MPST: variants seen among roughly 807,000 people sequenced by gnomAD.
The protein encoded by MPST is mercaptopyruvate sulfurtransferase, also known as 3-mercaptopyruvate sulfurtransferase.
Under a neutral mutation model 28.5 loss-of-function variants are expected in MPST, and 27 were observed. That is an observed-to-expected ratio of 0.95 (90% CI 0.70 to 1.31). MPST has a LOEUF of 1.31. Among genes scored for constraint, MPST ranks in the 50% most tolerant of loss-of-function variants. MPST has a pLI of 0.00. For missense variants in MPST, 492 were observed against 471.1 expected, an observed-to-expected ratio of 1.04 and a Z score of -0.41; for synonymous variants, 204 against 209.3, an observed-to-expected ratio of 0.97 and a Z score of 0.22.
At chr22:37,019,904 TG>T in intron 1 of MPST, 32 bp downstream of exon 1, 1 of 1,123,266 alleles carries the variant, frequency 8.9e-7, no homozygotes. Context: ...CTTGCCTTTC[TG>T]GAGGGGGAGG....
In MPST at chr22:37,024,888, TC is replaced by T. The variant is rs760551667; in HGVS notation, c.655+79del. 2.1e-5 allele frequency: 32 copies of T among 1,553,550 alleles called. No individual in the cohort carries two copies. The South Asian group carries it at 2.5e-4, about 12-fold the overall frequency. ...TGAGCAGTGCCCTGGACTTGACCTT[TC>T]TTTTATTTTTTTAATTTATCTTGCT... On this transcript the variant is annotated intron_variant, in intron 2 of 2. Transcript: ENST00000429360.
At chr22:37,020,066 TG>T in intron 1 of MPST, 194 bp downstream of exon 1, 1 of 237,824 alleles carries the variant, frequency 4.2e-6, no homozygotes, top group African/African-American at 2.6e-5. Flanking sequence ...TCGTGGCGAG[TG>T]GCGGGTGGGG....
intron 2 of MPST, chr22:37,026,580 G>A (rs1923544281): frequency 6.6e-6 from 1 of 152,290 alleles, no homozygotes. Context: ...CAGTCCAGCA[G>A]GCAGGGGAAA....
In MPST at chr22:37,029,353, G is replaced by T. The variant is rs762471056; in HGVS notation, c.793G>T (p.Val265Leu). 1.2e-6 allele frequency: 2 copies of T among 1,614,086 alleles called. No individual in the cohort carries two copies. Among genetic ancestry groups the T allele is most frequent in the Non-Finnish European group, 8.5e-7 (1 of 1,180,054 alleles). ...EKKVDLSKPL[V>L]ATCGSGVTAC... ...GAAAGTGGACCTGTCTAAGCCACTG[G>T]TGGCCACGTGTGGCTCTGGCGTCAC... is the stretch of plus-strand genomic sequence containing the variant. Residue 265 changes from valine to leucine, a missense_variant, in exon 3 of 3, where the codon GTG becomes TTG. By Grantham distance (32) the Val-to-Leu change is conservative. Coordinates refer to ENST00000429360, the MANE Select transcript of MPST (RefSeq NM_021126.8).
In MPST at chr22:37,029,617, A is replaced by G. The variant is rs1360141746; in HGVS notation, c.*103A>G. 1.6e-6 allele frequency: 2 copies of G among 1,228,532 alleles called. No homozygotes were observed. Among genetic ancestry groups the G allele is most frequent in the Non-Finnish European group, 2.2e-6 (2 of 895,060 alleles). The allele number at this position is 1,228,532 out of a possible 1,614,324, so 76.1% of individuals were successfully genotyped here. A position where few individuals can be genotyped will look rare whatever the true frequency, so the allele number is the denominator to read the frequency against. On this transcript the variant is annotated 3_prime_UTR_variant, in exon 3 of 3. Coordinates refer to ENST00000429360, the MANE Select transcript of MPST (RefSeq NM_021126.8). The stretch of plus-strand genomic sequence containing the variant: ...CACCAAGAGAGTGTTTCTTCACTCA[A>G]CTCAGGTGGCATTTGGGGTGACATC...
At chr22:37,022,284 G>T (rs1054990467) in intron 1 of MPST, among the ~76,000 whole-genome samples, 1 of 152,156 alleles carries the variant, frequency 6.6e-6, no homozygotes, top group Non-Finnish European at 1.5e-5. Flanking sequence ...ACTCCAGGAA[G>T]CCTTCCCACC....
At chr22:37,022,758 T>C (rs1923168294) in intron 1 of MPST, among the ~76,000 whole-genome samples, 1 of 152,220 alleles carries the variant, frequency 6.6e-6, no homozygotes, top group South Asian at 2.1e-4. Context: ...TGTTGTTCTC[T>C]ACCTGCCCCC....
intron 2 of MPST, 93 bp downstream of exon 2, chr22:37,024,903 A>T (rs764867533): frequency 1.3e-6 from 2 of 1,548,024 alleles, no homozygotes; most frequent in Non-Finnish European, 1.7e-6. Context: ...TATTTTTTTA[A>T]TTTATCTTGC....
intron 2 of MPST, chr22:37,025,231 C>G: frequency 7.9e-6 from 9 of 1,133,674 alleles, no homozygotes; most frequent in Non-Finnish European, 1.0e-5. Context: ...GTGACTCTCC[C>G]TAGCTCATTG....
Position 37,022,314 on chromosome 22 carries a change from G to A in MPST, c.37-1878G>A, listed in dbSNP as rs1277895182. On this transcript the variant is annotated intron_variant, in intron 1 of 2. Coordinates refer to ENST00000429360, the MANE Select transcript of MPST (RefSeq NM_021126.8). ...CCCACCTCTTCTGCTGCCACCCCAG[G>A]CAAACATAGGGGCCCTCTGTGCTCA... Among the ~76,000 whole-genome samples, 4 of 152,214 alleles carry A rather than the reference G, an allele frequency of 2.6e-5. 1 individual carries two copies. The East Asian group carries it at 7.7e-4, about 29-fold the overall frequency.
intron 2 of MPST, chr22:37,025,248 C>A: frequency 2.0e-6 from 2 of 1,021,592 alleles, no homozygotes; most frequent in Non-Finnish European, 2.5e-6. Context: ...ATTGGGAACC[C>A]TGGTTGCCCA....
chr22:37,027,101 T>C (rs3753143), intron 2 of MPST: 27,683 of 152,210 alleles, frequency 0.18, 5,602 homozygotes, highest in African/African-American at 0.5. Context: ...TACAGGCATG[T>C]GCCACCACGC....
At position 37,024,133 on chromosome 22, in the gene MPST, C is replaced by T. The variant is rs1444308095; in HGVS notation, c.37-59C>T. 5 of 1,352,610 alleles carry T rather than the reference C, an allele frequency of 3.7e-6. No homozygotes were observed. The Admixed American group carries it at 1.5e-4, about 41-fold the overall frequency. The allele number at this position is 1,352,610 out of a possible 1,614,324, so 83.8% of individuals were successfully genotyped here. On this transcript the variant is annotated intron_variant, in intron 1 of 2. Coordinates refer to ENST00000429360, the MANE Select transcript of MPST (RefSeq NM_021126.8). ...GCCCTCGCCCATGCTCCAGCCCCAG[C>T]CCTAGCCCCAACAGCGGCCTCTCCC...
At chr22:37,019,956 G>A in intron 1 of MPST, 84 bp downstream of exon 1, 1 of 669,686 alleles carries the variant, frequency 1.5e-6, no homozygotes, top group Non-Finnish European at 2.1e-6. Flanking sequence ...GCTCCCGCGC[G>A]GGACCTGGGC....
At chr22:37,021,763 G>A (rs555566277) in intron 1 of MPST, among the ~76,000 whole-genome samples, 18 of 152,084 alleles carry the variant, frequency 1.2e-4, no homozygotes, top group Non-Finnish European at 1.0e-4. Context: ...GAGCCACCAC[G>A]CCCGACCTAA....
chr22:37,020,883 T>C (rs1017659394), intron 1 of MPST, among the ~76,000 whole-genome samples: 4 of 152,182 alleles, frequency 2.6e-5, no homozygotes, highest in Admixed American at 2.0e-4. Flanking sequence ...GGTCTTGAAC[T>C]CCTGGGCTCA....
chr22:37,024,401 C>T lies in MPST; in HGVS notation c.246C>T (p.Ile82=). Residue 82 remains isoleucine, a synonymous_variant, in exon 2 of 3, where the codon ATC becomes ATT. Coordinates refer to ENST00000429360, the MANE Select transcript of MPST (RefSeq NM_021126.8). ...TCCCGGGCGCCGCTTTCTTCGACAT[C>T]GACCAGTGCAGCGACCGCACCTCGC... is the stretch of plus-strand genomic sequence containing the variant. The part of the protein sequence containing the change: ...RHIPGAAFFD[I]DQCSDRTSPY... 1.3e-6 allele frequency: 2 copies of T among 1,545,734 alleles called. No homozygotes were observed. The highest frequency in any genetic ancestry group is 1.7e-6 in the Non-Finnish European group (2 of 1,145,408).
intron 1 of MPST, among the ~76,000 whole-genome samples, chr22:37,020,664 T>C (rs543030103): frequency 2.8e-4 from 43 of 152,250 alleles, no homozygotes; most frequent in South Asian, 1.0e-3. Flanking sequence ...CCTTTTGTTT[T>C]GTTTTGTTTT....
At chr22:37,028,585 C>T (rs778026511) in intron 2 of MPST, 1 of 151,896 alleles carries the variant, frequency 6.6e-6, no homozygotes, top group Admixed American at 6.6e-5. Context: ...TGGCATGTGC[C>T]TGTAGTAGTC....
Sources: allele counts gnomAD v4.1 joint callset (sites outside exome capture counted in the v4.1 genomes callset), GRCh38; gene constraint gnomAD v4.1.1; transcripts MANE v1.5; gene names NCBI Gene and HGNC (gene_info 2026-07-23, HGNC 2026-07-21).